Variants in C1QTNF3 observed in about 807,000 individuals in gnomAD.
The protein encoded by C1QTNF3 is complement C1q tumor necrosis factor-related protein 3.
A neutral mutation model predicts 32.6 loss-of-function variants in C1QTNF3; 26 were observed. That is an observed-to-expected ratio of 0.80 (90% CI 0.58 to 1.11). C1QTNF3 has a LOEUF of 1.11. Among genes scored for constraint, C1QTNF3 ranks in the 50% least tolerant of loss-of-function variants. The pLI, the probability that C1QTNF3 is intolerant of heterozygous loss-of-function variation, is 0.00. For synonymous variants in C1QTNF3, 155 were observed against 146.0 expected (o/e 1.06, Z -0.44); for missense variants, 362 against 398.2 (o/e 0.91, Z 0.77).
chr5:34,164,970 T>C, the C1QTNF3 span: 2 of 152,006 alleles, frequency 1.3e-5, no homozygotes, highest in East Asian at 1.9e-4. Flanking sequence ...GTTAAAATTA[T>C]AGTTAAAATA....
the C1QTNF3 span, among the ~76,000 whole-genome samples, chr5:34,162,695 A>C: frequency 6.6e-6 from 1 of 152,194 alleles, no homozygotes; most frequent in Non-Finnish European, 1.5e-5. Flanking sequence ...TAAATTGCAA[A>C]GCTTGTAATG....
chr5:34,022,250 A>G (rs757605319), intron 5 of C1QTNF3, among the ~76,000 whole-genome samples: 1 of 152,240 alleles, frequency 6.6e-6, no homozygotes, highest in Non-Finnish European at 1.5e-5. Flanking sequence ...TTCTGAGGAA[A>G]TGGGTTTGCC....
chr5:34,128,875 G>C, the C1QTNF3 span, among the ~76,000 whole-genome samples: 2 of 152,146 alleles, frequency 1.3e-5, no homozygotes, highest in African/African-American at 4.8e-5. Context: ...AAGACTTTGG[G>C]GAACTCTTGG....
the C1QTNF3 span, among the ~76,000 whole-genome samples, chr5:34,240,676 A>G: frequency 6.6e-6 from 1 of 152,138 alleles, no homozygotes; most frequent in East Asian, 1.9e-4. Flanking sequence ...TTCACAGCAA[A>G]ATTCTACCGG....
the C1QTNF3 span, among the ~76,000 whole-genome samples, chr5:34,070,234 C>A: frequency 6.6e-6 from 1 of 152,136 alleles, no homozygotes; most frequent in Non-Finnish European, 1.5e-5. Flanking sequence ...GAGCACCAGA[C>A]TAATTTTCCG....
In C1QTNF3 at chr5:34,029,303, CT is replaced by C. The variant is rs772432732; in HGVS notation, c.571-421del. Among the ~76,000 whole-genome samples the C allele has an allele frequency of 5.0e-3, 735 of 145,568 alleles. 5 individuals are homozygous for C. The highest frequency in any genetic ancestry group is 0.013 in the African/African-American group (518 of 40,002). On this transcript the variant is annotated intron_variant, in intron 3 of 5. Transcript: ENST00000382065. Reference sequence around the variant, plus strand: ...TTCCCGAAAAGATACCTATTAATTTCTTTTTTTTTTTTTCTTTATAGAGACG... The same window carrying C: ...TTCCCGAAAAGATACCTATTAATTTCTTTTTTTTTTTTCTTTATAGAGACG...
At chr5:34,074,671 C>A in the C1QTNF3 span, among the ~76,000 whole-genome samples, 3 of 151,660 alleles carry the variant, frequency 2.0e-5, no homozygotes, top group South Asian at 6.2e-4. Context: ...TTTCAGGGTT[C>A]CACATGCTGG....
At chr5:34,100,423 G>A in the C1QTNF3 span, among the ~76,000 whole-genome samples, 12 of 150,890 alleles carry the variant, frequency 8.0e-5, no homozygotes, top group African/African-American at 2.7e-4. Flanking sequence ...AAATACTTGC[G>A]GTTCAATTTT....
chr5:34,057,633 G>A, the C1QTNF3 span, among the ~76,000 whole-genome samples: 1 of 152,280 alleles, frequency 6.6e-6, no homozygotes, highest in South Asian at 2.1e-4. Flanking sequence ...AATATTTAAT[G>A]TATTTTCTAA....
chr5:34,230,457 T>C, the C1QTNF3 span, among the ~76,000 whole-genome samples: 2 of 152,120 alleles, frequency 1.3e-5, no homozygotes, highest in African/African-American at 4.8e-5. Flanking sequence ...CCAGGGTCCA[T>C]CTTAGTCATG....
At chr5:34,221,555 T>C in the C1QTNF3 span, among the ~76,000 whole-genome samples, 65 of 152,206 alleles carry the variant, frequency 4.3e-4, no homozygotes, top group African/African-American at 1.6e-3. Flanking sequence ...CAATGTTACA[T>C]GTGACATCTT....
the C1QTNF3 span, among the ~76,000 whole-genome samples, chr5:34,123,957 T>C: frequency 2.0e-5 from 3 of 152,224 alleles, no homozygotes; most frequent in Admixed American, 2.0e-4. Flanking sequence ...CACACAGATG[T>C]CTACTTCTAA....
At chr5:34,079,342 G>A in the C1QTNF3 span, among the ~76,000 whole-genome samples, 1 of 151,526 alleles carries the variant, frequency 6.6e-6, no homozygotes, top group Non-Finnish European at 1.5e-5. Context: ...AAAGTGAAGA[G>A]GGGGGACTGC....
At chr5:34,209,599 A>G in the C1QTNF3 span, among the ~76,000 whole-genome samples, 1 of 152,094 alleles carries the variant, frequency 6.6e-6, no homozygotes, top group South Asian at 2.1e-4. Flanking sequence ...ATATCTTTAG[A>G]CTATCTCTAG....
chr5:34,168,284 C>CGTGTGTGTGTGTGTGTGT, the C1QTNF3 span: 2 of 136,738 alleles, frequency 1.5e-5, no homozygotes, highest in African/African-American at 5.2e-5. Flanking sequence ...TGTGTGCATG[C>CGTGTGTGTGTGTGTGTGT]GTGTGTGTGT....
At chr5:34,136,944 C>A in the C1QTNF3 span, among the ~76,000 whole-genome samples, 2 of 151,568 alleles carry the variant, frequency 1.3e-5, no homozygotes. Context: ...GGGAATTGAA[C>A]AAGGAGATCA....
chr5:34,177,808 G>C, the C1QTNF3 span, among the ~76,000 whole-genome samples: 1 of 151,460 alleles, frequency 6.6e-6, no homozygotes, highest in Non-Finnish European at 1.5e-5. Context: ...TAAATATTTT[G>C]TAGAGATGGG....
chr5:34,078,789 G>A, the C1QTNF3 span, among the ~76,000 whole-genome samples: 1 of 151,404 alleles, frequency 6.6e-6, no homozygotes, highest in Admixed American at 6.6e-5. The surrounding 1 kb of genome is among the most constrained non-coding windows in gnomAD (Gnocchi z 4.0). Flanking sequence ...ACCAGCTATC[G>A]CCACATTTCC....
At chr5:34,236,006 T>G in the C1QTNF3 span, among the ~76,000 whole-genome samples, 2 of 152,188 alleles carry the variant, frequency 1.3e-5, no homozygotes, top group African/African-American at 4.8e-5. Context: ...ATCTGCAGTA[T>G]GTTGCTTCCA....
Sources: gnomAD v4.1 joint callset for allele counts (sites outside exome capture counted in the v4.1 genomes callset) on GRCh38, gnomAD v4.1.1 for gene constraint, Gnocchi (gnomAD v3.1) non-coding constraint, MANE v1.5 for transcripts, NCBI Gene and HGNC (gene_info 2026-07-23, HGNC 2026-07-21) for gene names.